The following GALNT13 variants were observed in gnomAD, a reference collection of about 807,000 sequenced individuals.
GALNT13 encodes UDP-GalNAc:polypeptide N-acetylgalactosaminyltransferase 13.
GALNT13 carries 28 observed loss-of-function variants against 64.2 expected under a neutral mutation model. The observed-to-expected ratio is 0.44, with a 90% CI of 0.32 to 0.60. GALNT13 has a LOEUF of 0.60. GALNT13 is among the 20% of genes least tolerant of loss of function. The pLI is 0.05. For synonymous variants in GALNT13, 214 were observed against 224.6 expected (o/e 0.95, Z 0.42); for missense variants, 577 against 669.8 (o/e 0.86, Z 1.53).
the GALNT13 span, among the ~76,000 whole-genome samples, chr2:153,389,149 G>A: frequency 1.3e-5 from 2 of 152,040 alleles, no homozygotes; most frequent in African/African-American, 4.8e-5. Flanking sequence ...TTGCATAAGA[G>A]TCTCCACATA....
At chr2:153,907,707 A>G (rs757088214) in intron 2 of GALNT13, among the ~76,000 whole-genome samples, 1 of 152,024 alleles carries the variant, frequency 6.6e-6, no homozygotes, top group African/African-American at 2.4e-5. Flanking sequence ...CTCCAGCTCC[A>G]TCCATGTTAC....
At chr2:153,800,946 C>T in the GALNT13 span, among the ~76,000 whole-genome samples, 2 of 152,196 alleles carry the variant, frequency 1.3e-5, no homozygotes, top group African/African-American at 4.8e-5. Context: ...GCTACAGCTT[C>T]TCCATCAGCA....
chr2:154,172,674 G>T (rs987566287), intron 4 of GALNT13, among the ~76,000 whole-genome samples: 1 of 150,922 alleles, frequency 6.6e-6, no homozygotes, highest in Non-Finnish European at 1.5e-5. Flanking sequence ...GTGTGTATGC[G>T]CATACATACA....
chr2:153,840,412 G>A, the GALNT13 span, among the ~76,000 whole-genome samples: 1 of 152,148 alleles, frequency 6.6e-6, no homozygotes, highest in Non-Finnish European at 1.5e-5. Flanking sequence ...TCATTCTGTT[G>A]TAATCTATAT....
chr2:153,864,607 G>A, the GALNT13 span, among the ~76,000 whole-genome samples: 2 of 152,106 alleles, frequency 1.3e-5, no homozygotes, highest in East Asian at 1.9e-4. Flanking sequence ...ACTTACAAGG[G>A]ATGTGAAGGA....
intron 2 of GALNT13, among the ~76,000 whole-genome samples, chr2:153,915,476 T>C (rs1308881909): frequency 1.3e-5 from 2 of 152,184 alleles, no homozygotes; most frequent in Non-Finnish European, 2.9e-5. Flanking sequence ...TGTTTTCTTC[T>C]TACCTACTTT....
chr2:153,076,557 G>A, the GALNT13 span, among the ~76,000 whole-genome samples: 1 of 152,006 alleles, frequency 6.6e-6, no homozygotes, highest in African/African-American at 2.4e-5. Flanking sequence ...GCTTCCTTGA[G>A]TACTTTTATG....
chr2:153,479,340 A>G, the GALNT13 span, among the ~76,000 whole-genome samples: 1 of 152,306 alleles, frequency 6.6e-6, no homozygotes, highest in Non-Finnish European at 1.5e-5. Flanking sequence ...AAGGCATGGA[A>G]GAAGGAAGGA....
At chr2:154,130,630 G>A (rs904864365) in intron 3 of GALNT13, among the ~76,000 whole-genome samples, 1 of 152,014 alleles carries the variant, frequency 6.6e-6, no homozygotes, top group Non-Finnish European at 1.5e-5. Context: ...ATTAATGTTT[G>A]GAGCTCTGTT....
the GALNT13 span, among the ~76,000 whole-genome samples, chr2:153,231,965 A>AT: frequency 7.9e-5 from 12 of 152,146 alleles, no homozygotes; most frequent in Non-Finnish European, 1.6e-4. Flanking sequence ...ATGCCTTCTT[A>AT]TTTTTTGTGG....
chr2:154,211,625 T>G lies in GALNT13; in HGVS notation c.312-30405T>G, dbSNP rs576359574. Among the ~76,000 whole-genome samples, 4 of 33,106 alleles carry G rather than the reference T, an allele frequency of 1.2e-4. No homozygotes were observed. The East Asian group carries it at 2.8e-3, about 23-fold the overall frequency. 21.7% of individuals were successfully genotyped at this position (33,106 alleles called of 152,430 possible). A position where few individuals can be genotyped will look rare whatever the true frequency, so the allele number is the denominator to read the frequency against. On this transcript the variant is annotated intron_variant, in intron 4 of 12. Coordinates refer to ENST00000392825, the MANE Select transcript of GALNT13 (RefSeq NM_052917.4). ...CCTGGGCAACAAGAGCGAAACTCCA[T>G]CTCCAAAAAAAAAAAAAAAAAAAAA...
chr2:153,071,749 G>A, the GALNT13 span, among the ~76,000 whole-genome samples: 38 of 152,280 alleles, frequency 2.5e-4, no homozygotes, highest in African/African-American at 8.7e-4. Context: ...TGTGGCTCTT[G>A]AGCCAAATCT....
chr2:154,062,833 A>G (rs911804780), intron 3 of GALNT13, among the ~76,000 whole-genome samples: 6 of 145,060 alleles, frequency 4.1e-5, no homozygotes, highest in Non-Finnish European at 9.0e-5. Flanking sequence ...GTTTCAGGAT[A>G]TTTAATTCAA....
intron 9 of GALNT13, among the ~76,000 whole-genome samples, chr2:154,313,198 CA>C (rs1694138759): frequency 6.7e-6 from 1 of 148,568 alleles, no homozygotes; most frequent in Middle Eastern, 3.4e-3. Context: ...CATATATGTA[CA>C]CATATGTGTA....
intron 4 of GALNT13, among the ~76,000 whole-genome samples, chr2:154,239,209 T>G (rs923707464): frequency 1.3e-5 from 2 of 152,190 alleles, no homozygotes; most frequent in Non-Finnish European, 2.9e-5. Context: ...AGAAATACTT[T>G]AAGATGCTGT....
At chr2:153,077,502 A>T in the GALNT13 span, among the ~76,000 whole-genome samples, 3 of 152,128 alleles carry the variant, frequency 2.0e-5, no homozygotes, top group South Asian at 6.2e-4. Context: ...GATTGGTTCC[A>T]GTCATAAAAT....
the GALNT13 span, among the ~76,000 whole-genome samples, chr2:153,711,310 A>C: frequency 3.3e-5 from 5 of 152,278 alleles, no homozygotes; most frequent in Admixed American, 3.3e-4. Context: ...TCTGGCCTCA[A>C]GTTAGAACTT....
chr2:153,291,556 CCCCA>C, the GALNT13 span, among the ~76,000 whole-genome samples: 3 of 152,088 alleles, frequency 2.0e-5, no homozygotes, highest in South Asian at 6.2e-4. Context: ...AGCTTTTCAT[CCCCA>C]CCACCATGCT....
At chr2:154,392,541 C>T (rs752900062) in intron 9 of GALNT13, among the ~76,000 whole-genome samples, 32 of 152,080 alleles carry the variant, frequency 2.1e-4, no homozygotes, top group Admixed American at 4.6e-4. Flanking sequence ...ACCAGGAGGG[C>T]CATTCTTTCA....
Sources: allele counts gnomAD v4.1 joint callset (sites outside exome capture counted in the v4.1 genomes callset), GRCh38; gene constraint gnomAD v4.1.1; transcripts MANE v1.5; gene names NCBI Gene and HGNC (gene_info 2026-07-23, HGNC 2026-07-21).